The following CLPSL2 variants were observed in gnomAD, a reference collection of about 807,000 sequenced individuals.
The protein encoded by CLPSL2 is colipase-like protein 2.
CLPSL2 carries 4 observed loss-of-function variants against 7.9 expected under a neutral mutation model. The observed-to-expected ratio is 0.50, with a 90% CI of 0.25 to 1.15. CLPSL2 has a LOEUF of 1.15. Among genes scored for constraint, CLPSL2 ranks in the 50% most tolerant of loss-of-function variants. CLPSL2 has a pLI of 0.15. For missense variants in CLPSL2, 132 were observed against 136.6 expected, an observed-to-expected ratio of 0.97 and a Z score of 0.17; for synonymous variants, 67 against 53.1, an observed-to-expected ratio of 1.26 and a Z score of -1.14.
chr6:35,778,543 C>G (rs1767890927), intron 2 of CLPSL2, among the ~76,000 whole-genome samples: 1 of 152,254 alleles, frequency 6.6e-6, no homozygotes, highest in Admixed American at 6.5e-5. Context: ...CCCCACCAGG[C>G]TGTTGGGAAG....
At position 35,779,348 on chromosome 6, in the gene CLPSL2, C is replaced by T. The variant is rs186371723; in HGVS notation, c.208-7C>T. 68 of 1,550,074 alleles carry T rather than the reference C, an allele frequency of 4.4e-5. No individual in the cohort carries two copies. The East Asian group carries it at 1.6e-3, about 35-fold the overall frequency. ...TGACTCCCGATTCTCATACCCACTC[C>T]CTGCAGACCAAGGGAGCTACCAACA... is the stretch of plus-strand genomic sequence containing the variant. On this transcript the variant is annotated splice_polypyrimidine_tract_variant and splice_region_variant and intron_variant, in intron 2 of 2. Transcript: ENST00000403376.
At chr6:35,778,764 A>T (rs1767896568) in intron 2 of CLPSL2, among the ~76,000 whole-genome samples, 1 of 152,078 alleles carries the variant, frequency 6.6e-6, no homozygotes, top group Non-Finnish European at 1.5e-5. Flanking sequence ...CCATGGCCTG[A>T]CCCTATAGCT....
At chr6:35,776,774 C>G (rs1767845168) in intron 1 of CLPSL2, 72 bp downstream of exon 1, 1 of 1,284,596 alleles carries the variant, frequency 7.8e-7, no homozygotes, top group Non-Finnish European at 1.0e-6. Flanking sequence ...GCACTGGAGC[C>G]CGAAGGCGCC....
At chr6:35,778,725 A>G (rs1767895740) in intron 2 of CLPSL2, among the ~76,000 whole-genome samples, 1 of 152,180 alleles carries the variant, frequency 6.6e-6, no homozygotes, top group African/African-American at 2.4e-5. Flanking sequence ...GGGAGTTGCC[A>G]ATGCCCTAAG....
intron 1 of CLPSL2, 58 bp downstream of exon 1, chr6:35,776,760 C>G (rs1285656072): frequency 1.5e-6 from 2 of 1,320,692 alleles, no homozygotes; most frequent in African/African-American, 3.1e-5. Flanking sequence ...GCCCCGCCGC[C>G]GGGGCACTGG....
At chr6:35,778,578 T>C (rs1371292601) in intron 2 of CLPSL2, among the ~76,000 whole-genome samples, 1 of 152,068 alleles carries the variant, frequency 6.6e-6, no homozygotes, top group Admixed American at 6.5e-5. Context: ...GCAAGGAGAG[T>C]GTGCAGTCCA....
chr6:35,776,709 C>G lies in CLPSL2; in HGVS notation c.84+7C>G, dbSNP rs1333805286. On this transcript the variant is annotated splice_region_variant and intron_variant, in intron 1 of 2. Transcript: ENST00000403376. Reference sequence around the variant, plus strand: ...GCTTCCGCAATATAAAAAGGTGAGCCGGGGAGCGCGCCCAGCCGGCCGCGA... The same window carrying G: ...GCTTCCGCAATATAAAAAGGTGAGCGGGGGAGCGCGCCCAGCCGGCCGCGA... 2.9e-6 allele frequency: 4 copies of G among 1,386,668 alleles called. No individual in the cohort carries two copies. The highest frequency in any genetic ancestry group is 3.1e-5 in the East Asian group (1 of 32,496). 85.9% of individuals were successfully genotyped at this position (1,386,668 alleles called of 1,614,324 possible). A position where few individuals can be genotyped will look rare whatever the true frequency, so the allele number is the denominator to read the frequency against.
In CLPSL2 at chr6:35,777,512, C is replaced by T. The variant is rs1767865742; in HGVS notation, c.138C>T (p.Leu46=). The part of the protein sequence containing the change: ...HHSECYSGCC[L]MDLDSGGAFC... ...CTGAGTGCTACAGTGGCTGCTGCCT[C>T]ATGGACTTGGACTCCGGTGGAGCCT... The change falls in exon 2 of 3, where the codon CTC becomes CTT. Residue 46 remains leucine (L), a synonymous_variant. Transcript: ENST00000403376. 3 of 1,613,706 alleles carry T rather than the reference C, an allele frequency of 1.9e-6. No homozygotes were observed. Among genetic ancestry groups the T allele is most frequent in the Non-Finnish European group, 2.5e-6 (3 of 1,179,840 alleles).
Position 35,776,765 on chromosome 6 carries a change from C to T in CLPSL2, c.84+63C>T, listed in dbSNP as rs937904418. On this transcript the variant is annotated intron_variant, in intron 1 of 2. Transcript: ENST00000403376. Reference sequence around the variant, plus strand: ...GGAGAGGGTGGCCCCGCCGCCGGGGCACTGGAGCCCGAAGGCGCCGGGCAG... The same window carrying T: ...GGAGAGGGTGGCCCCGCCGCCGGGGTACTGGAGCCCGAAGGCGCCGGGCAG... The T allele has an allele frequency of 7.2e-5, 94 of 1,309,068 alleles. No homozygotes were observed. In the Middle Eastern group the frequency reaches 8.4e-4, roughly 12 times the overall value. 81.1% of individuals were successfully genotyped at this position (1,309,068 alleles called of 1,614,324 possible).
chr6:35,776,828 C>CTACCCGCCT, intron 1 of CLPSL2, 126 bp downstream of exon 1: 1 of 833,532 alleles, frequency 1.2e-6, no homozygotes, highest in Non-Finnish European at 1.7e-6. Flanking sequence ...CACACCCAGG[C>CTACCCGCCT]GGGTAGCCTG....
At chr6:35,776,882 G>C in intron 1 of CLPSL2, 180 bp downstream of exon 1, 2 of 501,770 alleles carry the variant, frequency 4.0e-6, no homozygotes, top group South Asian at 7.0e-5. Flanking sequence ...ACTTTCCCCT[G>C]GTGGCCTCAG....
At chr6:35,777,435 C>T (rs1452733443) in intron 1 of CLPSL2, 24 bp from the exon 2 acceptor site, 1 of 1,611,870 alleles carries the variant, frequency 6.2e-7, no homozygotes, top group South Asian at 1.1e-5. Flanking sequence ...CCCAGCCTGG[C>T]AGACATTCTG....
At chr6:35,777,050 C>T (rs1294595222) in intron 1 of CLPSL2, among the ~76,000 whole-genome samples, 1 of 152,128 alleles carries the variant, frequency 6.6e-6, no homozygotes, top group Non-Finnish European at 1.5e-5. Context: ...TCTTCTTCCA[C>T]CTCCTCTCAC....
intron 2 of CLPSL2, among the ~76,000 whole-genome samples, chr6:35,778,416 G>C (rs936755377): frequency 6.6e-6 from 1 of 152,234 alleles, no homozygotes; most frequent in African/African-American, 2.4e-5. Flanking sequence ...CAGCTTTGCA[G>C]TTGGACCTGA....
intron 1 of CLPSL2, 142 bp from the exon 2 acceptor site, chr6:35,777,317 G>GGA (rs1767857768): frequency 1.1e-6 from 1 of 882,588 alleles, no homozygotes; most frequent in Non-Finnish European, 1.7e-6. Flanking sequence ...GCTGGGGGGG[G>GGA]AACCAGCCCC....
rs565013285 is a variant in CLPSL2 at position 35,776,859 on chromosome 6, C to A, written c.84+157C>A. ...GCCTGGGGCATCCTCAGACGGACTT[C>A]AAAAGCCGCTTCACTTTCCCCTGGT... is the stretch of plus-strand genomic sequence containing the variant. On this transcript the variant is annotated intron_variant, in intron 1 of 2. Coordinates refer to ENST00000403376, the MANE Select transcript of CLPSL2 (RefSeq NM_207409.4). 377 of 578,912 alleles carry A rather than the reference C, an allele frequency of 6.5e-4. 1 individual carries two copies. The African/African-American group carries it at 6.6e-3, about 10-fold the overall frequency. The allele number at this position is 578,912 out of a possible 1,614,324, so 35.9% of individuals were successfully genotyped here. A position where few individuals can be genotyped will look rare whatever the true frequency, so the allele number is the denominator to read the frequency against.
At chr6:35,778,255 C>T (rs1767886186) in intron 2 of CLPSL2, among the ~76,000 whole-genome samples, 1 of 152,168 alleles carries the variant, frequency 6.6e-6, no homozygotes, top group Non-Finnish European at 1.5e-5. Flanking sequence ...CGTGCCCGGC[C>T]AATAAATGCT....
intron 2 of CLPSL2, chr6:35,777,961 G>C (rs1271079540): frequency 2.8e-6 from 2 of 713,802 alleles, no homozygotes; most frequent in Non-Finnish European, 5.2e-6. Context: ...ATTGTTGTTT[G>C]TTTGTTTGTT....
chr6:35,776,767 C>A, intron 1 of CLPSL2, 65 bp downstream of exon 1: 1 of 1,310,880 alleles, frequency 7.6e-7, no homozygotes, highest in Non-Finnish European at 9.8e-7. Flanking sequence ...CGCCGGGGCA[C>A]TGGAGCCCGA....
Sources: allele counts gnomAD v4.1 joint callset (sites outside exome capture counted in the v4.1 genomes callset), GRCh38; gene constraint gnomAD v4.1.1; transcripts MANE v1.5; gene names NCBI Gene and HGNC (gene_info 2026-07-23, HGNC 2026-07-21).